CRPPA: variants seen among roughly 807,000 people sequenced by gnomAD.
CRPPA encodes CDP-L-ribitol pyrophosphorylase A, also known as D-ribitol-5-phosphate cytidylyltransferase.
Under a neutral mutation model 52.0 loss-of-function variants are expected in CRPPA, and 43 were observed. The observed-to-expected ratio is 0.83, with a 90% confidence interval of 0.65 to 1.07. The LOEUF (loss-of-function observed/expected upper bound fraction) is 1.07, where lower values mean the gene tolerates loss of function less well. Ranked by LOEUF, CRPPA falls within the 50% of genes least tolerant of loss-of-function variation. CRPPA has a pLI of 0.00. For synonymous variants in CRPPA, 250 were observed against 203.5 expected (o/e 1.23, Z -1.94); for missense variants, 629 against 551.7 (o/e 1.14, Z -1.40).
At chr7:16,277,862 T>C (rs1784240442) in intron 6 of CRPPA, among the ~76,000 whole-genome samples, 4 of 152,142 alleles carry the variant, frequency 2.6e-5, no homozygotes. Flanking sequence ...AGTCTCAGCC[T>C]TATGCTGGGG....
In CRPPA at chr7:16,087,637, T is replaced by C. The variant is rs1781723379; in HGVS notation, c.*4058A>G. 6.6e-6 allele frequency: 1 copy of C among 152,076 alleles called. No individual in the cohort carries two copies. Among genetic ancestry groups the C allele is most frequent in the African/African-American group, 2.4e-5 (1 of 41,448 alleles). The allele number at this position is 152,076 out of a possible 1,614,324, so 9.4% of individuals were successfully genotyped here. A position where few individuals can be genotyped will look rare whatever the true frequency, so the allele number is the denominator to read the frequency against. On this transcript the variant is annotated 3_prime_UTR_variant, in exon 10 of 10. Transcript: ENST00000407010. ...AAAAATATGCATATGCTTCTTACAA[T>C]TTTGAAACTGAAATTAATAAGAACA...
At chr7:16,242,068 G>A (rs895638720) in intron 8 of CRPPA, among the ~76,000 whole-genome samples, 12 of 142,578 alleles carry the variant, frequency 8.4e-5, no homozygotes, top group African/African-American at 2.9e-4. Flanking sequence ...TTCTGCCTCC[G>A]CCTTCTGAGT....
intron 3 of CRPPA, among the ~76,000 whole-genome samples, chr7:16,345,291 C>T (rs1785983086): frequency 6.6e-6 from 1 of 152,128 alleles, no homozygotes; most frequent in African/African-American, 2.4e-5. Flanking sequence ...TTAAGACATT[C>T]CCAGGTAAGC....
chr7:16,134,804 TATTA>T (rs1782735299), intron 9 of CRPPA, among the ~76,000 whole-genome samples: 2 of 152,360 alleles, frequency 1.3e-5, no homozygotes, highest in African/African-American at 4.8e-5. Context: ...TGTACAAATT[TATTA>T]ATTGTCAAAA....
chr7:16,092,510 T>C (rs1024452237), intron 9 of CRPPA, among the ~76,000 whole-genome samples: 1 of 152,148 alleles, frequency 6.6e-6, no homozygotes, highest in Non-Finnish European at 1.5e-5. Context: ...TAGGACCTAT[T>C]GTAGCTCCTT....
At position 16,406,354 on chromosome 7, in the gene CRPPA, T is replaced by C. The variant is rs753445477; in HGVS notation, c.258-17A>G. 9.4e-6 allele frequency: 15 copies of C among 1,594,756 alleles called. No individual in the cohort carries two copies. Among genetic ancestry groups the C allele is most frequent in the East Asian group, 2.2e-5 (1 of 44,498 alleles). ...CAACATACTCTAAAAGGAAAGTATA[T>C]GTACAATTCGTAAATTAATTCTTAG... On this transcript the variant is annotated splice_polypyrimidine_tract_variant and intron_variant, in intron 1 of 9. Coordinates refer to ENST00000407010, the MANE Select transcript of CRPPA (RefSeq NM_001101426.4).
intron 3 of CRPPA, among the ~76,000 whole-genome samples, chr7:16,351,978 G>A (rs1406751753): frequency 6.6e-6 from 1 of 152,118 alleles, no homozygotes; most frequent in Non-Finnish European, 1.5e-5. Flanking sequence ...GTTTATTGCA[G>A]CACTATTTAC....
intron 3 of CRPPA, among the ~76,000 whole-genome samples, chr7:16,327,793 G>C (rs1252991285): frequency 1.3e-5 from 2 of 151,972 alleles, no homozygotes; most frequent in Non-Finnish European, 2.9e-5. Context: ...GGCACTGAAG[G>C]GGGAAGGAGC....
chr7:16,254,950 G>A (rs1783594364), intron 8 of CRPPA, among the ~76,000 whole-genome samples: 1 of 152,064 alleles, frequency 6.6e-6, no homozygotes, highest in Non-Finnish European at 1.5e-5. Flanking sequence ...GGGCAATCAG[G>A]CAAGAGAAAG....
At chr7:16,291,046 C>T (rs1784553825) in intron 5 of CRPPA, among the ~76,000 whole-genome samples, 1 of 151,920 alleles carries the variant, frequency 6.6e-6, no homozygotes, top group Admixed American at 6.6e-5. Context: ...CATCACTAAT[C>T]CTCAGGAAAA....
At chr7:16,275,475 C>T (rs552033600) in intron 6 of CRPPA, among the ~76,000 whole-genome samples, 7 of 152,202 alleles carry the variant, frequency 4.6e-5, no homozygotes, top group African/African-American at 9.6e-5. Context: ...AGGACGGCCA[C>T]GGAGGTGTTA....
chr7:16,344,404 C>CTA (rs1785950513), intron 3 of CRPPA, among the ~76,000 whole-genome samples: 1 of 36,800 alleles, frequency 2.7e-5, no homozygotes, highest in Non-Finnish European at 7.2e-5. Flanking sequence ...CTATCTCTAC[C>CTA]CAAAAAAAAA....
chr7:16,216,009 C>T (rs1271666806), intron 9 of CRPPA, 57 bp downstream of exon 9: 16 of 1,327,370 alleles, frequency 1.2e-5, no homozygotes, highest in South Asian at 2.9e-5. Context: ...AAATCAGATA[C>T]CTACCATTAA....
chr7:16,199,771 T>G (rs1781808367), intron 9 of CRPPA, among the ~76,000 whole-genome samples: 1 of 152,276 alleles, frequency 6.6e-6, no homozygotes, highest in South Asian at 2.1e-4. Flanking sequence ...TTCCAGATTT[T>G]GTGACTAACA....
At position 16,399,291 on chromosome 7, in the gene CRPPA, G is replaced by T. The variant is rs555202740; in HGVS notation, c.534+6770C>A. Among the ~76,000 whole-genome samples the T allele has an allele frequency of 9.9e-5, 15 of 152,162 alleles. No homozygotes were observed. In the East Asian group the frequency reaches 2.5e-3, roughly 26 times the overall value. ...CTGACACGATACACATACGATTGAC[G>T]TGTGATCAACACGTGTGACACGTGA... On this transcript the variant is annotated intron_variant, in intron 2 of 9. Transcript: ENST00000407010.
At chr7:16,359,849 T>C (rs1786395921) in intron 3 of CRPPA, among the ~76,000 whole-genome samples, 1 of 152,194 alleles carries the variant, frequency 6.6e-6, no homozygotes, top group African/African-American at 2.4e-5. Context: ...TTTGTGCCTT[T>C]GAGATTTCCA....
chr7:16,354,988 A>T (rs1243130954), intron 3 of CRPPA, among the ~76,000 whole-genome samples: 1 of 152,206 alleles, frequency 6.6e-6, no homozygotes, highest in Non-Finnish European at 1.5e-5. Context: ...CCAACTAATC[A>T]GCAAGAAAAT....
At chr7:16,205,969 T>A (rs1781964440) in intron 9 of CRPPA, among the ~76,000 whole-genome samples, 1 of 151,972 alleles carries the variant, frequency 6.6e-6, no homozygotes, top group South Asian at 2.1e-4. Flanking sequence ...CTACTTAAAA[T>A]TAAAAACCAA....
chr7:16,215,631 A>C (rs1018007764), intron 9 of CRPPA, among the ~76,000 whole-genome samples: 6 of 152,352 alleles, frequency 3.9e-5, no homozygotes, highest in Admixed American at 2.6e-4. Context: ...ACATAACATA[A>C]AAGTAAATAA....
Sources: gnomAD v4.1 joint callset for allele counts (sites outside exome capture counted in the v4.1 genomes callset) on GRCh38, gnomAD v4.1.1 for gene constraint, MANE v1.5 for transcripts, NCBI Gene and HGNC (gene_info 2026-07-23, HGNC 2026-07-21) for gene names.